EFCAB6: variants seen among roughly 807,000 people sequenced by gnomAD.
The protein encoded by EFCAB6 is EF-hand calcium-binding domain-containing protein 6.
Under a neutral mutation model 169.8 loss-of-function variants are expected in EFCAB6, and 156 were observed. That is an observed-to-expected ratio of 0.92 (90% CI 0.81 to 1.05). EFCAB6 has a LOEUF of 1.05. Ranked by LOEUF, EFCAB6 falls within the 50% of genes least tolerant of loss-of-function variation. EFCAB6 has a pLI of 0.00. For missense variants in EFCAB6, 1,800 were observed against 1,829.1 expected (o/e 0.98, Z 0.29); for synonymous variants, 698 against 676.4 (o/e 1.03, Z -0.50).
At chr22:43,792,294 T>C (rs2148119658) in intron 2 of EFCAB6, among the ~76,000 whole-genome samples, 1 of 152,248 alleles carries the variant, frequency 6.6e-6, no homozygotes, top group Middle Eastern at 3.4e-3. Flanking sequence ...GGTTGTGTGT[T>C]TTTCTCCAGC....
chr22:43,692,549 A>C (rs1021445483), intron 10 of EFCAB6, among the ~76,000 whole-genome samples: 3 of 152,190 alleles, frequency 2.0e-5, no homozygotes, highest in African/African-American at 7.2e-5. Context: ...ATACAATAAA[A>C]AGAACTAATG....
chr22:43,631,835 GCTT>G (rs1332527608), intron 19 of EFCAB6, among the ~76,000 whole-genome samples: 3 of 152,022 alleles, frequency 2.0e-5, no homozygotes, highest in Non-Finnish European at 2.9e-5. Context: ...GGGTTGTCAT[GCTT>G]CTTCTCCACC....
At chr22:43,532,377 A>G (rs996274768) in intron 30 of EFCAB6, among the ~76,000 whole-genome samples, 20 of 152,254 alleles carry the variant, frequency 1.3e-4, no homozygotes, top group African/African-American at 4.6e-4. Flanking sequence ...AAGCCCGTGC[A>G]CGTCCTAGCA....
chr22:43,807,064 C>T (rs759209749), intron 2 of EFCAB6, among the ~76,000 whole-genome samples: 2 of 152,188 alleles, frequency 1.3e-5, no homozygotes, highest in Admixed American at 1.3e-4. Context: ...CCCTGCTAGA[C>T]AATAAGTCCC....
chr22:43,789,386 C>T (rs987554201), intron 2 of EFCAB6, among the ~76,000 whole-genome samples: 2 of 152,158 alleles, frequency 1.3e-5, no homozygotes, highest in Non-Finnish European at 1.5e-5. Flanking sequence ...ACGTTGCTTC[C>T]GTGGGCACCT....
At chr22:43,621,089 ATT>A (rs3072756) in intron 20 of EFCAB6, among the ~76,000 whole-genome samples, 67,577 of 141,406 alleles carry the variant, frequency 0.48, 15,359 homozygotes, top group East Asian at 0.6. Flanking sequence ...ACACTATGCA[ATT>A]TTTTTTTTTT....
At chr22:43,626,741 C>T in intron 19 of EFCAB6, 62 bp from the exon 20 acceptor site, 1 of 1,507,228 alleles carries the variant, frequency 6.6e-7, no homozygotes, top group Non-Finnish European at 9.2e-7. Context: ...CACACATGCA[C>T]ACCCCCACGT....
Position 43,672,012 on chromosome 22 carries a change from T to C in EFCAB6, c.1601A>G (p.His534Arg), listed in dbSNP as rs779314609. The C allele has an allele frequency of 1.9e-6, 3 of 1,614,006 alleles. No homozygotes were observed. In the African/African-American group the frequency reaches 4.0e-5, roughly 22 times the overall value. Residue 534 changes from histidine (H) to arginine (R), a missense_variant, in exon 15 of 32, where the codon CAC (histidine) becomes CGC (arginine). Physicochemically the swap from His to Arg is conservative, Grantham distance 29. Coordinates refer to ENST00000262726, the MANE Select transcript of EFCAB6 (RefSeq NM_022785.4). ...IGRNNFKKIMHVFCPFLTNAH... is the reference protein window; with the variant it reads ...IGRNNFKKIMRVFCPFLTNAH... Reference sequence around the variant, plus strand: ...ATTCGTTAAAAATGGACAGAAGACGTGCATGATTTTCTTGAAATTATTTCG... The same window carrying C: ...ATTCGTTAAAAATGGACAGAAGACGCGCATGATTTTCTTGAAATTATTTCG...
At chr22:43,638,800 T>G (rs910460516) in intron 17 of EFCAB6, among the ~76,000 whole-genome samples, 8 of 150,300 alleles carry the variant, frequency 5.3e-5, no homozygotes, top group African/African-American at 2.0e-4. Flanking sequence ...TTTTTTTTTT[T>G]TTGAGACGGA....
intron 2 of EFCAB6, among the ~76,000 whole-genome samples, chr22:43,794,186 A>C (rs548016362): frequency 3.9e-5 from 6 of 152,336 alleles, no homozygotes; most frequent in Non-Finnish European, 7.3e-5. Context: ...GTTCATGTGT[A>C]AAGTTTCCCA....
chr22:43,795,818 CAACACA>C lies in EFCAB6; in HGVS notation c.-8+13171_-8+13176del, dbSNP rs923800556. 1.8e-5 allele frequency among the ~76,000 whole-genome samples: 2 copies of C among 113,048 alleles called. No individual in the cohort carries two copies. Among genetic ancestry groups the C allele is most frequent in the African/African-American group, 6.4e-5 (2 of 31,064 alleles). 74.2% of individuals were successfully genotyped at this position (113,048 alleles called of 152,430 possible). A position where few individuals can be genotyped will look rare whatever the true frequency, so the allele number is the denominator to read the frequency against. On this transcript the variant is annotated intron_variant, in intron 2 of 31. Coordinates refer to ENST00000262726, the MANE Select transcript of EFCAB6 (RefSeq NM_022785.4). The surrounding 1 kb of genome is among the most constrained non-coding windows in gnomAD (Gnocchi z 4.2). Reference sequence around the variant, plus strand: ...TGCCATTCAGACAGCACTCGCCTCCCAACACACACACACACACACACACTACACACT... The same window carrying C: ...TGCCATTCAGACAGCACTCGCCTCCCCACACACACACACACACTACACACT...
At chr22:43,699,064 C>T (rs2147253220) in intron 10 of EFCAB6, among the ~76,000 whole-genome samples, 1 of 149,620 alleles carries the variant, frequency 6.7e-6, no homozygotes, top group South Asian at 2.1e-4. Context: ...AGGTTTTCAC[C>T]CCTAAAAGGA....
intron 15 of EFCAB6, among the ~76,000 whole-genome samples, chr22:43,669,793 G>C (rs1159007636): frequency 6.6e-6 from 1 of 152,120 alleles, no homozygotes; most frequent in Non-Finnish European, 1.5e-5. Flanking sequence ...TATGACTGAA[G>C]GCAGGGGCTC....
chr22:43,649,061 G>C (rs2148039904), intron 17 of EFCAB6, among the ~76,000 whole-genome samples: 1 of 152,270 alleles, frequency 6.6e-6, no homozygotes, highest in East Asian at 1.9e-4. Flanking sequence ...TTGGGAGCTG[G>C]GAGAATAGAA....
rs113858122 is a variant in EFCAB6 at position 43,604,879 on chromosome 22, A to C, written c.2681+3603T>G. Among the ~76,000 whole-genome samples the C allele has an allele frequency of 5.9e-3, 905 of 152,288 alleles. 7 individuals are homozygous for C. The highest frequency in any genetic ancestry group is 0.034 in the Middle Eastern group (10 of 294). Reference sequence around the variant, plus strand: ...TCTGCTTGGCTGGCTAGTTTCACACACGCAAGGATCTCCACGGATATTTCC... The same window carrying C: ...TCTGCTTGGCTGGCTAGTTTCACACCCGCAAGGATCTCCACGGATATTTCC... On this transcript the variant is annotated intron_variant, in intron 22 of 31. Coordinates refer to ENST00000262726, the MANE Select transcript of EFCAB6 (RefSeq NM_022785.4).
intron 26 of EFCAB6, 142 bp from the exon 27 acceptor site, chr22:43,555,238 G>A: frequency 1.2e-6 from 1 of 813,060 alleles, no homozygotes; most frequent in Non-Finnish European, 1.9e-6. Flanking sequence ...CCTGGAGGTG[G>A]GTTCAGGCAG....
intron 27 of EFCAB6, chr22:43,551,712 TGTGTTCTC>T (rs2048387589): frequency 6.6e-6 from 1 of 152,172 alleles, no homozygotes; most frequent in African/African-American, 2.4e-5. Flanking sequence ...CATGTGTTCA[TGTGTTCTC>T]ATCATTCAGC....
Position 43,537,540 on chromosome 22 carries a change from T to C in EFCAB6, c.3885A>G (p.Pro1295=). 6.2e-7 allele frequency: 1 copy of C among 1,613,048 alleles called. No individual in the cohort carries two copies. Among genetic ancestry groups the C allele is most frequent in the Non-Finnish European group, 8.5e-7 (1 of 1,179,356 alleles). ...TGCCCGGGATCACGGTGGTGCTCGC[T>C]GGAGTCTAGCAGGGAAGAAAAGAAA... ...GSKSQSHPCT[P]ASTTVIPGTP... is the part of the protein sequence containing the mutation. Residue 1295 remains proline (P), a synonymous_variant, in exon 29 of 32, where the codon CCA becomes CCG. Coordinates refer to ENST00000262726, the MANE Select transcript of EFCAB6 (RefSeq NM_022785.4). This position sits in a 1 kb window ranked among gnomAD's most constrained non-coding sequence, Gnocchi z 4.3.
chr22:43,619,720 C>T (rs562104803), intron 20 of EFCAB6, among the ~76,000 whole-genome samples: 105 of 152,204 alleles, frequency 6.9e-4, no homozygotes, highest in Admixed American at 1.4e-3. Context: ...ATAAAAATAA[C>T]ATAGTCTCAG....
Sources: allele counts gnomAD v4.1 joint callset (sites outside exome capture counted in the v4.1 genomes callset), GRCh38; gene constraint gnomAD v4.1.1; non-coding constraint Gnocchi (gnomAD v3.1); transcripts MANE v1.5; gene names NCBI Gene and HGNC (gene_info 2026-07-23, HGNC 2026-07-21).